ADAMTS3: variants seen among roughly 807,000 people sequenced by gnomAD.
The protein encoded by ADAMTS3 is A disintegrin and metalloproteinase with thrombospondin motifs 3.
Under a neutral mutation model 129.0 loss-of-function variants are expected in ADAMTS3, and 73 were observed. That is an observed-to-expected ratio of 0.57 (90% CI 0.47 to 0.69). The LOEUF is 0.69. ADAMTS3 is among the 30% of genes least tolerant of loss of function. The probability of loss-of-function intolerance (pLI) is 0.00; values close to 1 mark genes in which losing one functional copy is unlikely to be tolerated. For missense variants in ADAMTS3, 1,457 were observed against 1,514.5 expected, an observed-to-expected ratio of 0.96 and a Z score of 0.63; for synonymous variants, 477 against 510.8, an observed-to-expected ratio of 0.93 and a Z score of 0.89.
At chr4:72,562,063 T>C (rs929668016) in intron 2 of ADAMTS3, among the ~76,000 whole-genome samples, 1 of 152,188 alleles carries the variant, frequency 6.6e-6, no homozygotes, top group African/African-American at 2.4e-5. Flanking sequence ...ATGAGGTAGA[T>C]GAGTCTTCTC....
chr4:72,398,246 G>A (rs1721777596), intron 4 of ADAMTS3, among the ~76,000 whole-genome samples: 1 of 151,976 alleles, frequency 6.6e-6, no homozygotes, highest in African/African-American at 2.4e-5. Flanking sequence ...AGAGAAATGT[G>A]GTAACAATGT....
chr4:72,508,685 T>C (rs1720229177), intron 3 of ADAMTS3, among the ~76,000 whole-genome samples: 2 of 152,076 alleles, frequency 1.3e-5, no homozygotes, highest in Admixed American at 1.3e-4. Flanking sequence ...TTAGGAGGAA[T>C]ACTATTTTGG....
chr4:72,411,308 A>T (rs1222981805), intron 4 of ADAMTS3, among the ~76,000 whole-genome samples: 1 of 152,144 alleles, frequency 6.6e-6, no homozygotes, highest in Non-Finnish European at 1.5e-5. Flanking sequence ...AGGAAATAGA[A>T]ATAGATATTT....
intron 3 of ADAMTS3, among the ~76,000 whole-genome samples, chr4:72,438,110 T>A (rs946806862): frequency 6.6e-6 from 1 of 151,696 alleles, no homozygotes; most frequent in Non-Finnish European, 1.5e-5. Context: ...TGTGCAGAAA[T>A]TAGGGCACAG....
intron 20 of ADAMTS3, 116 bp downstream of exon 20, chr4:72,290,739 T>C: frequency 9.0e-7 from 1 of 1,106,090 alleles, no homozygotes; most frequent in Non-Finnish European, 1.3e-6. Context: ...AATTACAAAA[T>C]ATGCAGTAGT....
At chr4:72,441,901 T>C (rs1193682494) in intron 3 of ADAMTS3, 1 of 149,690 alleles carries the variant, frequency 6.7e-6, no homozygotes, top group Admixed American at 6.6e-5. Flanking sequence ...CTTAATGACG[T>C]TGAGGCTGGC....
At chr4:72,537,996 G>A (rs1270718886) in intron 3 of ADAMTS3, among the ~76,000 whole-genome samples, 5 of 152,148 alleles carry the variant, frequency 3.3e-5, no homozygotes, top group African/African-American at 1.2e-4. Context: ...GAAACTAACT[G>A]TACTGGAAAA....
chr4:72,295,719 A>G lies in ADAMTS3; in HGVS notation c.2658T>C (p.Cys886=), dbSNP rs1376179162. The change falls in exon 19 of 22, where the codon TGT becomes TGC. Residue 886 remains cysteine, a synonymous_variant. Transcript: ENST00000286657. ...TAGGTTTCGGCTTTTTGTTGGCCTCACAGAAGCTGCGATGGACCATTTTAT... is the reference window on the plus strand; with the variant it reads ...TAGGTTTCGGCTTTTTGTTGGCCTCGCAGAAGCTGCGATGGACCATTTTAT... The part of the protein sequence containing the change: ...SDNKMVHRSF[C]EANKKPKPIR... 3.7e-6 allele frequency: 6 copies of G among 1,613,040 alleles called. No individual in the cohort carries two copies. The highest frequency in any genetic ancestry group is 1.7e-4 in the Middle Eastern group (1 of 6,054).
intron 3 of ADAMTS3, among the ~76,000 whole-genome samples, chr4:72,446,284 T>C (rs1387216077): frequency 6.6e-6 from 1 of 151,686 alleles, no homozygotes; most frequent in Non-Finnish European, 1.5e-5. Context: ...AAACATCTTC[T>C]GGTCAAGTTC....
intron 3 of ADAMTS3, among the ~76,000 whole-genome samples, chr4:72,436,818 G>C (rs1717944519): frequency 6.6e-6 from 1 of 151,590 alleles, no homozygotes; most frequent in African/African-American, 2.4e-5. Context: ...AGAACACTTG[G>C]ACACAGGGTG....
intron 8 of ADAMTS3, among the ~76,000 whole-genome samples, 159 bp from the exon 9 acceptor site, chr4:72,319,634 T>C (rs905168917): frequency 2.0e-5 from 3 of 152,206 alleles, no homozygotes; most frequent in African/African-American, 4.8e-5. Context: ...CTGACAGAAA[T>C]GCCTTTCTTA....
intron 3 of ADAMTS3, among the ~76,000 whole-genome samples, chr4:72,543,845 T>G (rs1721395579): frequency 1.3e-5 from 2 of 152,122 alleles, no homozygotes; most frequent in Admixed American, 1.3e-4. Context: ...ACTGTATACT[T>G]AAAACATGCT....
chr4:72,532,592 A>C (rs1031325552), intron 3 of ADAMTS3, among the ~76,000 whole-genome samples: 3 of 152,092 alleles, frequency 2.0e-5, no homozygotes, highest in Non-Finnish European at 4.4e-5. Flanking sequence ...AATGACTAGG[A>C]TATGTTCTGA....
chr4:72,496,193 G>A (rs930250786), intron 3 of ADAMTS3, among the ~76,000 whole-genome samples: 51 of 152,298 alleles, frequency 3.3e-4, no homozygotes, highest in African/African-American at 1.2e-3. Context: ...AAAATAAGCA[G>A]ATAAAATCTG....
intron 3 of ADAMTS3, among the ~76,000 whole-genome samples, chr4:72,470,561 C>A (rs1165663792): frequency 2.0e-5 from 3 of 151,614 alleles, no homozygotes; most frequent in Non-Finnish European, 4.4e-5. Context: ...TAATAGTTCT[C>A]GAAATTTAAC....
chr4:72,299,003 GA>G (rs1391343526), intron 17 of ADAMTS3, among the ~76,000 whole-genome samples: 1 of 151,130 alleles, frequency 6.6e-6, no homozygotes, highest in Non-Finnish European at 1.5e-5. Flanking sequence ...CCTAACTAGA[GA>G]AAACCAGTCA....
chr4:72,476,797 T>TA (rs1404498818), intron 3 of ADAMTS3, among the ~76,000 whole-genome samples: 5 of 152,054 alleles, frequency 3.3e-5, no homozygotes, highest in Non-Finnish European at 7.4e-5. Context: ...TATAATGATA[T>TA]AAAAAGAATC....
At chr4:72,317,389 C>A (rs576347648) in intron 10 of ADAMTS3, among the ~76,000 whole-genome samples, 2 of 151,264 alleles carry the variant, frequency 1.3e-5, no homozygotes, top group Non-Finnish European at 2.9e-5. Flanking sequence ...AACAGCAGAT[C>A]AATTTCTTTC....
rs533819469 is a variant in ADAMTS3, at chr4:72,504,399, G to C, written c.504+44079C>G. ...TTTAAGAAGGCCGAAAATAGGCCCT[G>C]ATCTCTTCTGGCTCGTAAGGTTTCT... On this transcript the variant is annotated intron_variant, in intron 3 of 21. Transcript: ENST00000286657. 1.5e-3 allele frequency among the ~76,000 whole-genome samples: 226 copies of C among 152,232 alleles called. 2 individuals carry two copies. The highest frequency in any genetic ancestry group is 0.011 in the Admixed American group (171 of 15,300).
Sources: allele counts gnomAD v4.1 joint callset (sites outside exome capture counted in the v4.1 genomes callset), GRCh38; gene constraint gnomAD v4.1.1; transcripts MANE v1.5; gene names NCBI Gene and HGNC (gene_info 2026-07-23, HGNC 2026-07-21).